YPEL2: variants seen among roughly 807,000 people sequenced by gnomAD.
YPEL2 encodes the protein yippee like 2, also known as protein yippee-like 2.
A neutral mutation model predicts 19.1 loss-of-function variants in YPEL2; 2 were observed. The observed-to-expected ratio is 0.10, with a 90% CI of 0.04 to 0.33. YPEL2 has a LOEUF of 0.33. Among genes scored for constraint, YPEL2 ranks in the 10% least tolerant of loss-of-function variants. YPEL2 has a pLI of 1.00. For missense variants in YPEL2, 66 were observed against 140.7 expected (o/e 0.47, Z 2.68); for synonymous variants, 52 against 50.0 (o/e 1.04, Z -0.17).
intron 4 of YPEL2, among the ~76,000 whole-genome samples, chr17:59,395,796 C>T (rs754721282): frequency 1.3e-5 from 2 of 152,122 alleles, no homozygotes; most frequent in Admixed American, 6.5e-5. Context: ...TAGAACCAGG[C>T]GTCCGGGCGC....
At chr17:59,351,728 C>T (rs768993792) in intron 1 of YPEL2, among the ~76,000 whole-genome samples, 1 of 152,196 alleles carries the variant, frequency 6.6e-6, no homozygotes, top group African/African-American at 2.4e-5. Flanking sequence ...TGAGCAGGGG[C>T]GACATCATAC....
intron 1 of YPEL2, among the ~76,000 whole-genome samples, chr17:59,344,379 A>T (rs1218723539): frequency 2.6e-5 from 4 of 152,182 alleles, no homozygotes; most frequent in African/African-American, 7.2e-5. Context: ...GAGGTAGGAG[A>T]AGAATCCAGA....
intron 2 of YPEL2, among the ~76,000 whole-genome samples, chr17:59,386,045 G>T (rs148576303): frequency 6.6e-6 from 1 of 152,154 alleles, no homozygotes; most frequent in African/African-American, 2.4e-5. Context: ...AAAACAGGCC[G>T]GGTGCGGTGG....
intron 2 of YPEL2, among the ~76,000 whole-genome samples, chr17:59,364,924 G>T (rs1337454816): frequency 6.6e-6 from 1 of 152,180 alleles, no homozygotes; most frequent in South Asian, 2.1e-4. Flanking sequence ...GAGCCACTGC[G>T]CCCATCCGCC....
At chr17:59,384,823 C>G (rs1009500081) in intron 2 of YPEL2, among the ~76,000 whole-genome samples, 1 of 152,144 alleles carries the variant, frequency 6.6e-6, no homozygotes, top group African/African-American at 2.4e-5. Flanking sequence ...AGTCAGTGAT[C>G]TAGGAGTGAG....
At chr17:59,387,396 G>A (rs2047986211) in intron 2 of YPEL2, among the ~76,000 whole-genome samples, 1 of 151,868 alleles carries the variant, frequency 6.6e-6, no homozygotes, top group Admixed American at 6.6e-5. Flanking sequence ...CTACCCTCTG[G>A]TCATCTGTTA....
At chr17:59,361,992 G>C (rs1470906719) in intron 2 of YPEL2, among the ~76,000 whole-genome samples, 1 of 152,212 alleles carries the variant, frequency 6.6e-6, no homozygotes, top group African/African-American at 2.4e-5. Context: ...AACATTAAAG[G>C]TGTAGGTAGA....
At chr17:59,383,387 A>G (rs1041517163) in intron 2 of YPEL2, among the ~76,000 whole-genome samples, 2 of 150,526 alleles carry the variant, frequency 1.3e-5, no homozygotes, top group Non-Finnish European at 3.0e-5. Flanking sequence ...TCATGAGGTC[A>G]GGAGATTGAG....
At chr17:59,390,411 G>C (rs112400718) in intron 4 of YPEL2, among the ~76,000 whole-genome samples, 79 of 152,284 alleles carry the variant, frequency 5.2e-4, no homozygotes, top group African/African-American at 1.8e-3. Flanking sequence ...CAAAGTGCTG[G>C]GATTATAGGC....
intron 1 of YPEL2, among the ~76,000 whole-genome samples, chr17:59,335,567 G>GT (rs1382448956): frequency 6.6e-6 from 1 of 151,988 alleles, no homozygotes; most frequent in East Asian, 1.9e-4. Flanking sequence ...TTTCTTTTCT[G>GT]TTTGAGACAG....
intron 1 of YPEL2, among the ~76,000 whole-genome samples, chr17:59,347,557 G>A (rs185252666): frequency 5.9e-5 from 9 of 152,274 alleles, no homozygotes. Context: ...GGGGAAAGAG[G>A]CCCAAAGGCC....
At chr17:59,334,500 C>T (rs2047689168) in intron 1 of YPEL2, among the ~76,000 whole-genome samples, 1 of 151,792 alleles carries the variant, frequency 6.6e-6, no homozygotes, top group East Asian at 1.9e-4. Flanking sequence ...ATTGTGATGG[C>T]CCAGTCCCTG....
At chr17:59,371,094 T>C (rs1258955750) in intron 2 of YPEL2, among the ~76,000 whole-genome samples, 1 of 152,206 alleles carries the variant, frequency 6.6e-6, no homozygotes, top group Non-Finnish European at 1.5e-5. Context: ...CCTTCCTCCC[T>C]GGCCTGCTGG....
chr17:59,346,167 T>G (rs1404728068), intron 1 of YPEL2, among the ~76,000 whole-genome samples: 1 of 152,180 alleles, frequency 6.6e-6, no homozygotes, highest in Non-Finnish European at 1.5e-5. Flanking sequence ...AGAAGTAGCT[T>G]GCCTCCTCCT....
At chr17:59,347,573 G>A (rs1424528129) in intron 1 of YPEL2, among the ~76,000 whole-genome samples, 1 of 152,190 alleles carries the variant, frequency 6.6e-6, no homozygotes, top group African/African-American at 2.4e-5. Context: ...AGGCCTGCCA[G>A]GGCTGTATAA....
intron 2 of YPEL2, among the ~76,000 whole-genome samples, chr17:59,365,264 C>T (rs745329849): frequency 6.6e-6 from 1 of 152,182 alleles, no homozygotes; most frequent in Non-Finnish European, 1.5e-5. Context: ...CTCATGGAAT[C>T]GCTTGTTCCT....
At chr17:59,345,921 T>C (rs968261029) in intron 1 of YPEL2, among the ~76,000 whole-genome samples, 18 of 152,212 alleles carry the variant, frequency 1.2e-4, no homozygotes, top group Admixed American at 1.2e-3. Context: ...AGTGGTAATG[T>C]AGCTGGTGAG....
At chr17:59,340,736 G>A (rs530887181) in intron 1 of YPEL2, among the ~76,000 whole-genome samples, 2 of 141,926 alleles carry the variant, frequency 1.4e-5, no homozygotes, top group East Asian at 2.1e-4. Flanking sequence ...TTTTTGAAAT[G>A]GCGATGTCTT....
chr17:59,390,845 A>G (rs1567761056), intron 4 of YPEL2, among the ~76,000 whole-genome samples: 1 of 152,202 alleles, frequency 6.6e-6, no homozygotes, highest in African/African-American at 2.4e-5. Context: ...TTTGGGATCC[A>G]TGACTTATTT....
Sources: allele counts gnomAD v4.1 joint callset (sites outside exome capture counted in the v4.1 genomes callset), GRCh38; gene constraint gnomAD v4.1.1; transcripts MANE v1.5; gene names NCBI Gene and HGNC (gene_info 2026-07-23, HGNC 2026-07-21).